The following ARHGEF12 variants were observed in gnomAD, a reference collection of about 807,000 sequenced individuals.
The protein encoded by ARHGEF12 is KMT2A/ARHGEF12 fusion protein.
A neutral mutation model predicts 211.2 loss-of-function variants in ARHGEF12; 66 were observed. The ratio of observed to expected loss-of-function variants is 0.31; its 90% CI spans 0.26 to 0.38. ARHGEF12 has a LOEUF of 0.38. Ranked by LOEUF, ARHGEF12 falls within the 10% of genes least tolerant of loss-of-function variation. The pLI is 1.00. For synonymous variants in ARHGEF12, 592 were observed against 638.4 expected, an observed-to-expected ratio of 0.93 and a Z score of 1.09; for missense variants, 1,429 against 1,869.5, an observed-to-expected ratio of 0.76 and a Z score of 4.34.
chr11:120,347,204 C>CTTTCTT lies in ARHGEF12; in HGVS notation c.32+9930_32+9931insTTCTTT, dbSNP rs59764380. Among the ~76,000 whole-genome samples the CTTTCTT allele has an allele frequency of 5.4e-3, 324 of 60,336 alleles. 2 individuals carry two copies. The highest frequency in any genetic ancestry group is 1.0e-2 in the Non-Finnish European group (228 of 22,888). The allele number at this position is 60,336 out of a possible 152,430, so 39.6% of individuals were successfully genotyped here. On this transcript the variant is annotated intron_variant, in intron 1 of 40. Transcript: ENST00000397843. ...CCTTCCTTTCTTTCTTTCTTTCTTT[C>CTTTCTT]TCTTTCTTTTTCTTTCTTTCTTTCT...
chr11:120,402,192 A>C (rs1410758435), intron 1 of ARHGEF12, among the ~76,000 whole-genome samples: 3 of 152,148 alleles, frequency 2.0e-5, no homozygotes, highest in African/African-American at 7.2e-5. Flanking sequence ...AAGGCCTTGA[A>C]ATTTTAGGGA....
At chr11:120,412,457 A>G in intron 4 of ARHGEF12, among the ~76,000 whole-genome samples, 1 of 152,214 alleles carries the variant, frequency 6.6e-6, no homozygotes, top group East Asian at 1.9e-4. Flanking sequence ...AGGTCAGAAG[A>G]TTCCCTTGCT....
chr11:120,459,268 C>G lies in ARHGEF12; in HGVS notation c.2475C>G (p.Pro825=). The change falls in exon 26 of 41, where the codon CCC becomes CCG. Residue 825 remains proline (P), a synonymous_variant. Coordinates refer to ENST00000397843, the MANE Select transcript of ARHGEF12 (RefSeq NM_015313.3). ...QRVSREGILS[P]SELRKIFSNL... ...TATCCAGAGAAGGAATTCTGTCACCCTCAGAGCTACGGAAAATTTTTTCAA... is the reference window on the plus strand; with the variant it reads ...TATCCAGAGAAGGAATTCTGTCACCGTCAGAGCTACGGAAAATTTTTTCAA... The G allele has an allele frequency of 6.2e-7, 1 of 1,613,572 alleles. No individual in the cohort carries two copies. Among genetic ancestry groups the G allele is most frequent in the Non-Finnish European group, 8.5e-7 (1 of 1,179,760 alleles).
At chr11:120,483,129 A>G (rs932618894) in intron 39 of ARHGEF12, among the ~76,000 whole-genome samples, 7 of 152,176 alleles carry the variant, frequency 4.6e-5, no homozygotes, top group African/African-American at 9.7e-5. Context: ...CTTTATTTAC[A>G]TAGATTTTTT....
At chr11:120,368,336 T>A (rs1482880789) in intron 1 of ARHGEF12, among the ~76,000 whole-genome samples, 1 of 151,964 alleles carries the variant, frequency 6.6e-6, no homozygotes, top group Non-Finnish European at 1.5e-5. Flanking sequence ...GAGATGGGGG[T>A]CTCCCTATGT....
At chr11:120,440,269 A>C (rs9666435) in intron 13 of ARHGEF12, 48 bp downstream of exon 13, 315,224 of 1,472,690 alleles carry the variant, frequency 0.21, 35,724 homozygotes, top group South Asian at 0.22. Context: ...TTTCTGCAAT[A>C]TCTGATTTGT....
intron 27 of ARHGEF12, chr11:120,463,995 T>A (rs1946620953): frequency 6.6e-6 from 1 of 152,206 alleles, no homozygotes; most frequent in South Asian, 2.1e-4. Context: ...CCATCAGAAA[T>A]CTTAAAATCA....
intron 2 of ARHGEF12, 57 bp from the exon 3 acceptor site, chr11:120,407,681 T>G (rs971166826): frequency 1.3e-5 from 18 of 1,373,386 alleles, no homozygotes; most frequent in Non-Finnish European, 1.7e-5. Context: ...GAATTTTAAA[T>G]TTTTTATTCT....
chr11:120,355,041 C>G (rs1943092940), intron 1 of ARHGEF12, among the ~76,000 whole-genome samples: 1 of 152,158 alleles, frequency 6.6e-6, no homozygotes, highest in Admixed American at 6.5e-5. Flanking sequence ...CTAAGGAGAA[C>G]TTTGCTTATC....
At chr11:120,467,114 T>C in intron 28 of ARHGEF12, 80 bp from the exon 29 acceptor site, 8 of 880,630 alleles carry the variant, frequency 9.1e-6, no homozygotes, top group Non-Finnish European at 9.1e-6. Context: ...TGTGATGCAT[T>C]AAACCCTCAC....
intron 1 of ARHGEF12, among the ~76,000 whole-genome samples, chr11:120,391,649 A>G (rs572708689): frequency 6.6e-6 from 1 of 152,374 alleles, no homozygotes; most frequent in South Asian, 2.1e-4. Flanking sequence ...CTATAGTTCT[A>G]AGTTTACCAG....
At chr11:120,356,803 C>G (rs543042339) in intron 1 of ARHGEF12, among the ~76,000 whole-genome samples, 2 of 152,168 alleles carry the variant, frequency 1.3e-5, no homozygotes, top group South Asian at 4.2e-4. Context: ...AGGTAGTAAC[C>G]CAACCATTAA....
intron 16 of ARHGEF12, 34 bp from the exon 17 acceptor site, chr11:120,446,369 C>A: frequency 1.9e-6 from 3 of 1,543,272 alleles, no homozygotes; most frequent in Non-Finnish European, 2.7e-6. Context: ...CCAGAACATA[C>A]CTTTAGATAA....
intron 1 of ARHGEF12, among the ~76,000 whole-genome samples, chr11:120,363,650 C>A (rs557285080): frequency 6.6e-6 from 1 of 152,312 alleles, no homozygotes; most frequent in Non-Finnish European, 1.5e-5. Context: ...CAATTGCTAA[C>A]CAGCAAGATA....
rs894276342 is a variant in ARHGEF12, at chr11:120,488,316, T to C, written c.*3239T>C. The C allele has an allele frequency of 4.7e-6, 1 of 214,200 alleles. No individual in the cohort carries two copies. The highest frequency in any genetic ancestry group is 2.3e-5 in the African/African-American group (1 of 44,344). The allele number at this position is 214,200 out of a possible 1,614,324, so 13.3% of individuals were successfully genotyped here. Reference sequence around the variant, plus strand: ...ACTAGAGCTTTGGTCAGTATTTCCTTCCCTATATGTCACAGAGGGCACCAC... The same window carrying C: ...ACTAGAGCTTTGGTCAGTATTTCCTCCCCTATATGTCACAGAGGGCACCAC... On this transcript the variant is annotated 3_prime_UTR_variant, in exon 41 of 41. Transcript: ENST00000397843.
intron 1 of ARHGEF12, among the ~76,000 whole-genome samples, chr11:120,345,731 GTATGTCATACTCC>G (rs1173630537): frequency 3.4e-5 from 5 of 148,216 alleles, no homozygotes; most frequent in African/African-American, 1.2e-4. Context: ...ACGAAATGGC[GTATGTCATACTCC>G]TAAATATATA....
chr11:120,475,372 G>T lies in ARHGEF12; in HGVS notation c.3142G>T (p.Val1048Leu), dbSNP rs1946999166. The T allele has an allele frequency of 6.2e-7, 1 of 1,613,980 alleles. No homozygotes were observed. Among genetic ancestry groups the T allele is most frequent in the African/African-American group, 1.3e-5 (1 of 75,002 alleles). ...CACGTTGCTGCTGGAAGACATTCTTGTATTGTTACAAAAGCAGGATGATAG... is the reference window on the plus strand; with the variant it reads ...CACGTTGCTGCTGGAAGACATTCTTTTATTGTTACAAAAGCAGGATGATAG... ...LYTLLLEDIL[V>L]LLQKQDDRLV... Residue 1048 changes from valine to leucine, a missense_variant, in exon 33 of 41, where the codon GTA becomes TTA. Transcript: ENST00000397843.
At chr11:120,426,170 T>C (rs1005038015) in intron 7 of ARHGEF12, among the ~76,000 whole-genome samples, 1 of 152,212 alleles carries the variant, frequency 6.6e-6, no homozygotes, top group African/African-American at 2.4e-5. Context: ...GAGAATGTGA[T>C]TTATAAATTG....
chr11:120,420,501 T>G (rs1945152793), intron 4 of ARHGEF12, among the ~76,000 whole-genome samples: 1 of 152,220 alleles, frequency 6.6e-6, no homozygotes, highest in African/African-American at 2.4e-5. Context: ...TTTTGCAGTT[T>G]GCCATAGCTG....
Sources: allele counts gnomAD v4.1 joint callset (sites outside exome capture counted in the v4.1 genomes callset), GRCh38; gene constraint gnomAD v4.1.1; transcripts MANE v1.5; gene names NCBI Gene and HGNC (gene_info 2026-07-23, HGNC 2026-07-21).